The following CADM2 variants were observed in gnomAD, a reference collection of about 807,000 sequenced individuals.
CADM2 encodes the protein cell adhesion molecule 2, also known as immunoglobulin superfamily member 4D.
CADM2 carries 12 observed loss-of-function variants against 49.8 expected under a neutral mutation model. The ratio of observed to expected loss-of-function variants is 0.24; its 90% CI spans 0.15 to 0.39. The LOEUF is 0.39. Ranked by LOEUF, CADM2 falls within the 10% of genes least tolerant of loss-of-function variation. The pLI, the probability that CADM2 is intolerant of heterozygous loss-of-function variation, is 1.00. For missense variants in CADM2, 378 were observed against 492.3 expected (o/e 0.77, Z 2.20); for synonymous variants, 214 against 175.4 (o/e 1.22, Z -1.74).
chr3:85,621,573 C>A (rs1051156862), intron 1 of CADM2, among the ~76,000 whole-genome samples: 1 of 151,976 alleles, frequency 6.6e-6, no homozygotes, highest in African/African-American at 2.4e-5. Context: ...TAGTTCAATG[C>A]GATTACTCTG....
chr3:85,727,691 T>C (rs2107786729), intron 2 of CADM2, among the ~76,000 whole-genome samples: 1 of 152,214 alleles, frequency 6.6e-6, no homozygotes, highest in Non-Finnish European at 1.5e-5. Context: ...TTACAAACTA[T>C]ACACACTGCA....
intron 3 of CADM2, among the ~76,000 whole-genome samples, chr3:85,864,391 A>G (rs573206905): frequency 6.6e-6 from 1 of 152,172 alleles, no homozygotes; most frequent in Non-Finnish European, 1.5e-5. Context: ...CTTTATGAGG[A>G]ATTTGCCTGT....
intron 1 of CADM2, among the ~76,000 whole-genome samples, chr3:85,148,311 T>C (rs576000944): frequency 6.6e-6 from 1 of 152,274 alleles, no homozygotes; most frequent in African/African-American, 2.4e-5. Context: ...CTTCCTCCTT[T>C]AGCAACTACT....
rs140763204 is a variant in CADM2 at position 85,808,130 on chromosome 3, A to G, written c.238+5934A>G. Among the ~76,000 whole-genome samples the G allele has an allele frequency of 2.5e-3, 381 of 152,342 alleles. 1 individual carries two copies. The highest frequency in any genetic ancestry group is 8.5e-3 in the African/African-American group (354 of 41,582). Reference sequence around the variant, plus strand: ...CCTACAAAGTCGAAATTCAATTACAATTCCACTTCATTTCTGTACAGCCTA... The same window carrying G: ...CCTACAAAGTCGAAATTCAATTACAGTTCCACTTCATTTCTGTACAGCCTA... On this transcript the variant is annotated intron_variant, in intron 3 of 9. Coordinates refer to ENST00000383699, the MANE Select transcript of CADM2 (RefSeq NM_001167675.2).
intron 1 of CADM2, among the ~76,000 whole-genome samples, chr3:85,646,023 T>A (rs1047342200): frequency 1.3e-5 from 2 of 152,006 alleles, no homozygotes; most frequent in Non-Finnish European, 2.9e-5. Flanking sequence ...TTTTTTGTTG[T>A]TGATGTCCCT....
chr3:85,943,197 G>A (rs1401144427), intron 7 of CADM2, among the ~76,000 whole-genome samples: 1 of 146,476 alleles, frequency 6.8e-6, no homozygotes, highest in African/African-American at 2.6e-5. Flanking sequence ...TTTTTTTCTT[G>A]TAAATTTGTT....
At chr3:85,288,788 C>CACT (rs990768831) in intron 1 of CADM2, among the ~76,000 whole-genome samples, 1 of 128,402 alleles carries the variant, frequency 7.8e-6, no homozygotes, top group Non-Finnish European at 1.7e-5. Flanking sequence ...CAATATGCCC[C>CACT]CCCCCCCTCT....
At chr3:85,850,145 G>A (rs144193347) in intron 3 of CADM2, among the ~76,000 whole-genome samples, 52 of 152,056 alleles carry the variant, frequency 3.4e-4, no homozygotes, top group Non-Finnish European at 6.9e-4. Context: ...AAGGTTGCTT[G>A]TGGCTGGAAA....
chr3:85,628,574 TACAC>T (rs5850704), intron 1 of CADM2, among the ~76,000 whole-genome samples: 57 of 13,824 alleles, frequency 4.1e-3, no homozygotes, highest in African/African-American at 0.019. Flanking sequence ...TATACATATA[TACAC>T]ACACATATAT....
intron 8 of CADM2, among the ~76,000 whole-genome samples, chr3:86,048,363 A>G (rs1297929052): frequency 6.6e-6 from 1 of 151,986 alleles, no homozygotes; most frequent in Non-Finnish European, 1.5e-5. Context: ...TAAGTTTATT[A>G]CCAAAGAATA....
intron 8 of CADM2, among the ~76,000 whole-genome samples, chr3:86,026,008 T>C (rs1361119751): frequency 6.6e-6 from 1 of 152,092 alleles, no homozygotes; most frequent in African/African-American, 2.4e-5. Context: ...ATTATTTATA[T>C]GCTTATATGA....
intron 3 of CADM2, among the ~76,000 whole-genome samples, chr3:85,835,202 T>G (rs2074354401): frequency 6.6e-6 from 1 of 151,580 alleles, no homozygotes; most frequent in Admixed American, 6.6e-5. Context: ...TCCTTTTTCC[T>G]CACATACTTG....
At chr3:85,943,603 A>C (rs1444721507) in intron 7 of CADM2, among the ~76,000 whole-genome samples, 1 of 151,886 alleles carries the variant, frequency 6.6e-6, no homozygotes, top group East Asian at 1.9e-4. Flanking sequence ...CAATCCTAAG[A>C]CAAAAGAACA....
chr3:85,768,508 T>TAA (rs763900495), intron 2 of CADM2, among the ~76,000 whole-genome samples: 1 of 144,942 alleles, frequency 6.9e-6, no homozygotes, highest in Non-Finnish European at 1.5e-5. Flanking sequence ...CTTTTTTTTT[T>TAA]ATCTAACTGG....
chr3:85,599,263 TAGCAATTACTC>T (rs571372403), intron 1 of CADM2, among the ~76,000 whole-genome samples: 60 of 152,182 alleles, frequency 3.9e-4, no homozygotes, highest in African/African-American at 1.4e-3. Context: ...AGCACAAAGT[TAGCAATTACTC>T]AGCCTGAAGG....
chr3:85,895,862 T>C (rs1419381954), intron 5 of CADM2, among the ~76,000 whole-genome samples: 2 of 152,134 alleles, frequency 1.3e-5, no homozygotes, highest in African/African-American at 4.8e-5. Context: ...TGCTCCTCTT[T>C]TGCTTTCTGT....
chr3:85,950,895 C>A (rs969057782), intron 7 of CADM2, among the ~76,000 whole-genome samples: 3 of 151,000 alleles, frequency 2.0e-5, no homozygotes, highest in Non-Finnish European at 3.0e-5. Flanking sequence ...TTAGAATCAG[C>A]GTTTCAATTT....
At chr3:86,059,965 T>C (rs1272732366) in intron 8 of CADM2, among the ~76,000 whole-genome samples, 1 of 152,156 alleles carries the variant, frequency 6.6e-6, no homozygotes, top group Non-Finnish European at 1.5e-5. Context: ...CTCATATCCA[T>C]ATTATCTTTA....
intron 1 of CADM2, among the ~76,000 whole-genome samples, chr3:85,023,731 A>G (rs1342052646): frequency 2.6e-5 from 4 of 152,116 alleles, no homozygotes; most frequent in Admixed American, 6.5e-5. Context: ...AATAAAATAC[A>G]TATATGAATA....
Sources: gnomAD v4.1 joint callset for allele counts (sites outside exome capture counted in the v4.1 genomes callset) on GRCh38, gnomAD v4.1.1 for gene constraint, MANE v1.5 for transcripts, NCBI Gene and HGNC (gene_info 2026-07-23, HGNC 2026-07-21) for gene names.